Variants in STARD13 observed in about 807,000 individuals in gnomAD.
STARD13 encodes the protein StAR related lipid transfer domain containing 13, also known as stAR-related lipid transfer protein 13.
Under a neutral mutation model 106.4 loss-of-function variants are expected in STARD13, and 62 were observed. That is an observed-to-expected ratio of 0.58 (90% CI 0.48 to 0.72). STARD13 has a LOEUF of 0.72. Among genes scored for constraint, STARD13 ranks in the 30% least tolerant of loss-of-function variants. STARD13 has a pLI of 0.00. For synonymous variants in STARD13, 565 were observed against 553.0 expected (o/e 1.02, Z -0.31); for missense variants, 1,387 against 1,424.0 (o/e 0.97, Z 0.42).
chr13:33,440,487 C>T, the STARD13 span, among the ~76,000 whole-genome samples: 1 of 151,730 alleles, frequency 6.6e-6, no homozygotes, highest in Non-Finnish European at 1.5e-5. Context: ...TCCTTCTGGC[C>T]TTCTGAATCC....
chr13:33,342,533 G>T (rs376279780), intron 1 of STARD13, among the ~76,000 whole-genome samples: 168 of 138,778 alleles, frequency 1.2e-3, no homozygotes, highest in African/African-American at 2.3e-3. Context: ...TTTATAGTTT[G>T]TTTTTTTTTT....
chr13:33,661,084 G>A, the STARD13 span, among the ~76,000 whole-genome samples: 3 of 152,264 alleles, frequency 2.0e-5, no homozygotes, highest in East Asian at 5.8e-4. Flanking sequence ...TTAATAGGGT[G>A]GCTTGTATTA....
At chr13:33,113,613 C>A (rs571205085) in intron 8 of STARD13, 4 of 503,784 alleles carry the variant, frequency 7.9e-6, no homozygotes, top group Non-Finnish European at 1.6e-5. Context: ...GGAGACCCAG[C>A]GTCACCTGTT....
chr13:33,434,441 T>C, the STARD13 span, among the ~76,000 whole-genome samples: 1 of 151,556 alleles, frequency 6.6e-6, no homozygotes, highest in Non-Finnish European at 1.5e-5. Flanking sequence ...TTGAGCAAAT[T>C]AACATTTTTG....
chr13:33,192,274 G>A (rs1006852664), intron 1 of STARD13, among the ~76,000 whole-genome samples: 2 of 152,172 alleles, frequency 1.3e-5, no homozygotes, highest in East Asian at 1.9e-4. Flanking sequence ...ACAGTACATC[G>A]ACAACTTTCC....
intron 3 of STARD13, among the ~76,000 whole-genome samples, chr13:33,143,189 TG>T (rs1215448465): frequency 2.6e-5 from 4 of 152,238 alleles, no homozygotes; most frequent in Non-Finnish European, 5.9e-5. Context: ...TGTTCCATCA[TG>T]GCAGCCTGTG....
chr13:33,148,875 C>T (rs1438234402), intron 3 of STARD13, among the ~76,000 whole-genome samples: 1 of 151,934 alleles, frequency 6.6e-6, no homozygotes, highest in Non-Finnish European at 1.5e-5. Flanking sequence ...TGTTATTCAC[C>T]AGTAAAAAGA....
chr13:33,230,939 T>A (rs754968866), intron 1 of STARD13, among the ~76,000 whole-genome samples: 1 of 152,236 alleles, frequency 6.6e-6, no homozygotes, highest in African/African-American at 2.4e-5. Context: ...GATACGGGCA[T>A]AGTCAGAATG....
At chr13:33,501,734 T>C in the STARD13 span, among the ~76,000 whole-genome samples, 1 of 152,344 alleles carries the variant, frequency 6.6e-6, no homozygotes, top group East Asian at 1.9e-4. Flanking sequence ...TTCTGTTCCA[T>C]TGGTCTGTAT....
rs138659753 is a variant in STARD13 at position 33,108,021 on chromosome 13, C to T, written c.3048-1087G>A. Among the ~76,000 whole-genome samples the T allele has an allele frequency of 7.1e-3, 1,074 of 152,328 alleles. 12 individuals carry two copies. The highest frequency in any genetic ancestry group is 0.023 in the African/African-American group (961 of 41,556). On this transcript the variant is annotated intron_variant, in intron 12 of 13. Transcript: ENST00000336934. ...AACCAAGCCCCACACAAATGCTCAGCGACTTCCATGCTGTGACTACTCTTT... is the reference window on the plus strand; with the variant it reads ...AACCAAGCCCCACACAAATGCTCAGTGACTTCCATGCTGTGACTACTCTTT...
chr13:33,350,229 C>A (rs1031612299), intron 1 of STARD13: 48 of 1,462,546 alleles, frequency 3.3e-5, no homozygotes, highest in South Asian at 1.8e-4. Flanking sequence ...CGGGCCCGGG[C>A]GGGCTACGGG....
At chr13:33,359,197 A>C in the STARD13 span, among the ~76,000 whole-genome samples, 1 of 152,102 alleles carries the variant, frequency 6.6e-6, no homozygotes, top group African/African-American at 2.4e-5. Context: ...CTTTGGGTCC[A>C]CGCTGCTTTT....
chr13:33,162,070 A>G (rs928987685), intron 3 of STARD13, among the ~76,000 whole-genome samples: 2 of 152,186 alleles, frequency 1.3e-5, no homozygotes, highest in Non-Finnish European at 2.9e-5. Context: ...CAGCCAAACC[A>G]TATCATTCCA....
chr13:33,541,034 A>G, the STARD13 span, among the ~76,000 whole-genome samples: 1 of 152,200 alleles, frequency 6.6e-6, no homozygotes, highest in Non-Finnish European at 1.5e-5. Context: ...AGTCAATGCC[A>G]CTATTTCTGA....
At chr13:33,205,034 T>C (rs1887316594) in intron 1 of STARD13, among the ~76,000 whole-genome samples, 1 of 152,248 alleles carries the variant, frequency 6.6e-6, no homozygotes, top group Non-Finnish European at 1.5e-5. Flanking sequence ...TAGAATCTTA[T>C]CATTCTCAAT....
intron 1 of STARD13, among the ~76,000 whole-genome samples, chr13:33,213,982 T>C (rs2138147659): frequency 6.6e-6 from 1 of 152,322 alleles, no homozygotes; most frequent in Admixed American, 6.5e-5. Flanking sequence ...CTGATCACTT[T>C]CTAAGCTGGA....
the STARD13 span, among the ~76,000 whole-genome samples, chr13:33,454,329 C>G: frequency 6.6e-6 from 1 of 152,214 alleles, no homozygotes; most frequent in Non-Finnish European, 1.5e-5. Context: ...CCTTCTCTCC[C>G]TCCTTCCATG....
chr13:33,110,315 T>C (rs1874345976), intron 11 of STARD13, among the ~76,000 whole-genome samples: 1 of 152,250 alleles, frequency 6.6e-6, no homozygotes. Flanking sequence ...ACACACCTAG[T>C]GGTTACTGTG....
At position 33,103,410 on chromosome 13, in the gene STARD13, G is replaced by A. The variant is rs1873323007; in HGVS notation, c.*2183C>T. The A allele has an allele frequency of 6.6e-6, 1 of 152,562 alleles. No homozygotes were observed. The highest frequency in any genetic ancestry group is 1.5e-5 in the Non-Finnish European group (1 of 68,024). The allele number at this position is 152,562 out of a possible 1,614,324, so 9.5% of individuals were successfully genotyped here. ...AGATGCACTGTGTTGTTATGCAGCG[G>A]TGATATGATTACTATGTGCACAAAA... On this transcript the variant is annotated 3_prime_UTR_variant, in exon 14 of 14. Transcript: ENST00000336934.
Sources: allele counts gnomAD v4.1 joint callset (sites outside exome capture counted in the v4.1 genomes callset), GRCh38; gene constraint gnomAD v4.1.1; transcripts MANE v1.5; gene names NCBI Gene and HGNC (gene_info 2026-07-23, HGNC 2026-07-21).